Variants in PELI1 observed in about 807,000 individuals in gnomAD.
PELI1 encodes pellino E3 ubiquitin protein ligase 1.
A neutral mutation model predicts 41.3 loss-of-function variants in PELI1; 15 were observed. The observed-to-expected ratio is 0.36, with a 90% CI of 0.24 to 0.56. The LOEUF (loss-of-function observed/expected upper bound fraction) is 0.56. Among genes scored for constraint, PELI1 ranks in the 20% least tolerant of loss-of-function variants. The probability of loss-of-function intolerance (pLI) is 0.82; values close to 1 mark genes in which losing one functional copy is unlikely to be tolerated. For synonymous variants in PELI1, 178 were observed against 180.1 expected (o/e 0.99, Z 0.09); for missense variants, 403 against 525.5 (o/e 0.77, Z 2.28).
chr2:64,096,715 TA>T (rs1680251659), intron 4 of PELI1, 105 bp from the exon 5 acceptor site: 8 of 722,700 alleles, frequency 1.1e-5, no homozygotes, highest in Non-Finnish European at 1.8e-5. Context: ...CTGAAATTTC[TA>T]AAGTTGAAGT....
At chr2:64,102,071 C>T (rs1251332295) in intron 3 of PELI1, among the ~76,000 whole-genome samples, 1 of 151,988 alleles carries the variant, frequency 6.6e-6, no homozygotes, top group Non-Finnish European at 1.5e-5. Context: ...GTGATCCACC[C>T]ACCTCGGCCT....
intron 3 of PELI1, among the ~76,000 whole-genome samples, chr2:64,102,835 C>CT (rs1221467456): frequency 0.037 from 4,896 of 133,136 alleles, 162 homozygotes; most frequent in African/African-American, 0.065. Flanking sequence ...AGGAGTCAAT[C>CT]TTTTTTTTTT....
chr2:64,096,311 C>G lies in PELI1; in HGVS notation c.504G>C (p.Glu168Asp), dbSNP rs768480583. 1.2e-6 allele frequency: 2 copies of G among 1,613,350 alleles called. No homozygotes were observed. The highest frequency in any genetic ancestry group is 1.7e-6 in the Non-Finnish European group (2 of 1,179,522). The change falls in exon 6 of 7, where the codon GAG becomes GAC. Residue 168 changes from glutamate to aspartate, a missense_variant and splice_region_variant. Glu to Asp is a conservative substitution (Grantham distance 45). Coordinates refer to ENST00000358912, the MANE Select transcript of PELI1 (RefSeq NM_020651.4). ...FDSSKNIFLG[E>D]KAAKWKTSDG... ...CTGATGTCTTCCATTTGGCAGCCTT[C>G]TCCTAGTAGAAATAATAGCAGTGAG...
intron 2 of PELI1, 29 bp downstream of exon 2, chr2:64,108,211 G>C (rs771502376): frequency 7.8e-7 from 1 of 1,278,152 alleles, no homozygotes. Context: ...TTATTAAACT[G>C]TGTGTGTCAT....
At chr2:64,140,771 T>C (rs1197148004) in intron 1 of PELI1, among the ~76,000 whole-genome samples, 1 of 86,224 alleles carries the variant, frequency 1.2e-5, no homozygotes. Flanking sequence ...AGAAGTGATC[T>C]ACTCAAGACA....
At chr2:64,139,877 A>G (rs1318511241) in intron 1 of PELI1, among the ~76,000 whole-genome samples, 2 of 152,220 alleles carry the variant, frequency 1.3e-5, no homozygotes, top group Non-Finnish European at 2.9e-5. Flanking sequence ...CCACTAAACA[A>G]TCAGATTTGG....
intron 1 of PELI1, among the ~76,000 whole-genome samples, chr2:64,129,637 A>C (rs533420994): frequency 2.0e-4 from 31 of 152,294 alleles, no homozygotes; most frequent in Admixed American, 7.8e-4. Flanking sequence ...TCTTCAGTAC[A>C]TATTTAGGCT....
At chr2:64,100,346 G>T in intron 4 of PELI1, 52 bp downstream of exon 4, 3 of 894,728 alleles carry the variant, frequency 3.4e-6, no homozygotes, top group Admixed American at 3.7e-5. Flanking sequence ...ACCAACAATA[G>T]ATTTTTAACT....
At chr2:64,117,682 A>G (rs1681044276) in intron 1 of PELI1, among the ~76,000 whole-genome samples, 2 of 152,356 alleles carry the variant, frequency 1.3e-5, no homozygotes, top group East Asian at 3.9e-4. Flanking sequence ...TTATTAAAAG[A>G]TGACAATTAT....
At chr2:64,107,977 C>T (rs1680678204) in intron 2 of PELI1, among the ~76,000 whole-genome samples, 1 of 152,184 alleles carries the variant, frequency 6.6e-6, no homozygotes, top group Non-Finnish European at 1.5e-5. Context: ...CATGCCCGGA[C>T]TTTCCATTTC....
chr2:64,103,658 G>A (rs544846662), intron 3 of PELI1, among the ~76,000 whole-genome samples: 6 of 152,258 alleles, frequency 3.9e-5, no homozygotes, highest in African/African-American at 1.4e-4. Context: ...CAAGGCCTAA[G>A]GATTCTTTCA....
intron 1 of PELI1, among the ~76,000 whole-genome samples, chr2:64,135,001 C>T (rs376877543): frequency 2.4e-4 from 36 of 152,148 alleles, no homozygotes; most frequent in African/African-American, 7.5e-4. Flanking sequence ...CCTTCTTTAC[C>T]ACATTACTTA....
intron 1 of PELI1, among the ~76,000 whole-genome samples, chr2:64,134,207 T>A (rs1323163401): frequency 6.6e-6 from 1 of 152,186 alleles, no homozygotes; most frequent in African/African-American, 2.4e-5. Context: ...AGACTGGTCC[T>A]TAAGAGCTGA....
At chr2:64,120,084 A>AT (rs1433539514) in intron 1 of PELI1, among the ~76,000 whole-genome samples, 1 of 152,174 alleles carries the variant, frequency 6.6e-6, no homozygotes, top group East Asian at 1.9e-4. Context: ...ATTCTTTACA[A>AT]TTTTAAAATA....
intron 1 of PELI1, among the ~76,000 whole-genome samples, chr2:64,128,489 C>A (rs1447731832): frequency 1.3e-5 from 2 of 152,074 alleles, no homozygotes; most frequent in Non-Finnish European, 2.9e-5. Flanking sequence ...TTGCCACAAA[C>A]ATTTCTTTCT....
chr2:64,099,987 T>C (rs1332923630), intron 4 of PELI1, among the ~76,000 whole-genome samples: 6 of 152,190 alleles, frequency 3.9e-5, no homozygotes, highest in Non-Finnish European at 8.8e-5. Context: ...TGGGAGGTAG[T>C]GGTAGAAAAA....
At chr2:64,130,102 C>A (rs1205796035) in intron 1 of PELI1, among the ~76,000 whole-genome samples, 1 of 152,038 alleles carries the variant, frequency 6.6e-6, no homozygotes, top group Admixed American at 6.6e-5. Flanking sequence ...TTGAATCCAC[C>A]ATAATTCCAG....
At chr2:64,105,084 T>C (rs1420581285) in intron 2 of PELI1, among the ~76,000 whole-genome samples, 2 of 149,980 alleles carry the variant, frequency 1.3e-5, no homozygotes, top group Admixed American at 1.4e-4. Context: ...GTGTTATCTC[T>C]ATTTTTTTCC....
chr2:64,096,318 T>C lies in PELI1; in HGVS notation c.502-5A>G. On this transcript the variant is annotated splice_region_variant and splice_polypyrimidine_tract_variant and intron_variant, in intron 5 of 6. Transcript: ENST00000358912. Reference sequence around the variant, plus strand: ...CTTCCATTTGGCAGCCTTCTCCTAGTAGAAATAATAGCAGTGAGCTTCCAA... The same window carrying C: ...CTTCCATTTGGCAGCCTTCTCCTAGCAGAAATAATAGCAGTGAGCTTCCAA... 6.2e-7 allele frequency: 1 copy of C among 1,612,606 alleles called. No individual in the cohort carries two copies. The highest frequency in any genetic ancestry group is 8.5e-7 in the Non-Finnish European group (1 of 1,178,790).
Sources: allele counts gnomAD v4.1 joint callset (sites outside exome capture counted in the v4.1 genomes callset), GRCh38; gene constraint gnomAD v4.1.1; transcripts MANE v1.5; gene names NCBI Gene and HGNC (gene_info 2026-07-23, HGNC 2026-07-21).